Variants in SLC22A24 observed in about 807,000 individuals in gnomAD.
SLC22A24 encodes the protein steroid transmembrane transporter SLC22A24.
In SLC22A24, 53 loss-of-function variants were observed where a neutral mutation model predicts 49.8. The observed-to-expected ratio is 1.06, with a 90% CI of 0.85 to 1.34. The LOEUF (loss-of-function observed/expected upper bound fraction) is 1.34. Ranked by LOEUF, SLC22A24 falls within the 40% of genes most tolerant of loss-of-function variation. SLC22A24 has a pLI of 0.00. For missense variants in SLC22A24, 786 were observed against 675.9 expected (o/e 1.16, Z -1.81); for synonymous variants, 302 against 256.4 (o/e 1.18, Z -1.70).
At chr11:63,083,715 C>T (rs1490879846) in intron 6 of SLC22A24, among the ~76,000 whole-genome samples, 2 of 151,992 alleles carry the variant, frequency 1.3e-5, no homozygotes, top group Admixed American at 1.3e-4. Context: ...TTACTGGGTC[C>T]TGAAGAAAAG....
chr11:63,140,155 C>T (rs2087405698), intron 1 of SLC22A24, among the ~76,000 whole-genome samples: 1 of 144,384 alleles, frequency 6.9e-6, no homozygotes, highest in African/African-American at 2.6e-5. Context: ...AATCTCAGCT[C>T]ATTGCAACTG....
intron 4 of SLC22A24, among the ~76,000 whole-genome samples, chr11:63,114,570 G>A (rs901825698): frequency 1.3e-5 from 2 of 152,146 alleles, no homozygotes; most frequent in Non-Finnish European, 2.9e-5. Context: ...ACTCATCAAA[G>A]TAGCTCTCCA....
At chr11:63,120,876 A>G (rs1165780507) in intron 2 of SLC22A24, among the ~76,000 whole-genome samples, 1 of 152,176 alleles carries the variant, frequency 6.6e-6, no homozygotes, top group African/African-American at 2.4e-5. Flanking sequence ...TTAAAAAAAG[A>G]TCTATGATAC....
At chr11:63,095,490 G>T (rs1295955236) in intron 6 of SLC22A24, among the ~76,000 whole-genome samples, 2 of 152,102 alleles carry the variant, frequency 1.3e-5, no homozygotes, top group African/African-American at 2.4e-5. Flanking sequence ...TTAAATTCAA[G>T]AACCAGCAAA....
chr11:63,091,634 TA>T (rs2087020962), intron 6 of SLC22A24, among the ~76,000 whole-genome samples: 1 of 152,102 alleles, frequency 6.6e-6, no homozygotes, highest in East Asian at 1.9e-4. Context: ...ATCCATCACA[TA>T]AACAGAACCA....
chr11:63,110,201 A>T lies in SLC22A24; in HGVS notation c.831-5903T>A, dbSNP rs1349196988. Among the ~76,000 whole-genome samples, 4 of 151,082 alleles carry T rather than the reference A, an allele frequency of 2.6e-5. No homozygotes were observed. The South Asian group carries it at 6.3e-4, about 24-fold the overall frequency. On this transcript the variant is annotated intron_variant, in intron 4 of 9. Transcript: ENST00000612278. The stretch of plus-strand genomic sequence containing the variant: ...CTGAGGGCTCTGTTCTGTTCCATTG[A>T]TCTATATCTCTGTTTTGGTACCAGT...
chr11:63,118,196 C>T (rs2087225190), intron 4 of SLC22A24, among the ~76,000 whole-genome samples: 1 of 143,954 alleles, frequency 6.9e-6, no homozygotes, highest in African/African-American at 2.5e-5. Context: ...TGTCCTCCTC[C>T]CTCTAGTACC....
intron 6 of SLC22A24, among the ~76,000 whole-genome samples, chr11:63,092,368 T>TGG: frequency 7.5e-6 from 1 of 134,138 alleles, no homozygotes; most frequent in African/African-American, 2.7e-5. Flanking sequence ...ATGAAGCTAC[T>TGG]AGTGACTTTC....
intron 5 of SLC22A24, among the ~76,000 whole-genome samples, chr11:63,101,572 C>T (rs7130455): frequency 0.76 from 115,544 of 151,882 alleles, 44,716 homozygotes; most frequent in East Asian, 0.9. Flanking sequence ...CCATATGATC[C>T]AGCAATGTTA....
At chr11:63,107,105 G>C (rs150863618) in intron 4 of SLC22A24, among the ~76,000 whole-genome samples, 18,060 of 152,142 alleles carry the variant, frequency 0.12, 1,204 homozygotes, top group Middle Eastern at 0.16. Flanking sequence ...AGTAATTTTT[G>C]TATAAGGTGT....
intron 6 of SLC22A24, among the ~76,000 whole-genome samples, chr11:63,087,390 G>A (rs1003279252): frequency 5.9e-5 from 9 of 152,150 alleles, no homozygotes; most frequent in African/African-American, 9.7e-5. Flanking sequence ...CTACATGGCC[G>A]GGTTACTACA....
chr11:63,087,140 G>A (rs544397186), intron 6 of SLC22A24, among the ~76,000 whole-genome samples: 1 of 151,698 alleles, frequency 6.6e-6, no homozygotes, highest in Admixed American at 6.6e-5. Flanking sequence ...AATCAGGGAG[G>A]GGCCAAGATG....
At chr11:63,106,790 T>C (rs1477968712) in intron 4 of SLC22A24, among the ~76,000 whole-genome samples, 1 of 152,198 alleles carries the variant, frequency 6.6e-6, no homozygotes, top group East Asian at 1.9e-4. Context: ...GCTTTTTTCT[T>C]GTAAATTTGT....
chr11:63,080,354 G>C (rs2086952063), intron 9 of SLC22A24, among the ~76,000 whole-genome samples: 1 of 152,024 alleles, frequency 6.6e-6, no homozygotes, highest in Admixed American at 6.6e-5. Flanking sequence ...CAAAATTTCT[G>C]TTGCCCATGG....
intron 5 of SLC22A24, among the ~76,000 whole-genome samples, chr11:63,097,557 A>G (rs1450030987): frequency 1.3e-5 from 2 of 152,168 alleles, no homozygotes; most frequent in Non-Finnish European, 1.5e-5. Context: ...TTGACCCTGC[A>G]ATCCCATTAC....
intron 4 of SLC22A24, among the ~76,000 whole-genome samples, chr11:63,112,313 A>G (rs1358823101): frequency 6.6e-6 from 1 of 152,148 alleles, no homozygotes. Context: ...GTGCTGAAGA[A>G]AATGTATATC....
intron 1 of SLC22A24, among the ~76,000 whole-genome samples, chr11:63,140,006 CTT>C (rs1370182910): frequency 6.7e-6 from 1 of 150,228 alleles, no homozygotes; most frequent in Non-Finnish European, 1.5e-5. Context: ...AAAATAGAAA[CTT>C]TAATGACTTT....
In SLC22A24 at chr11:63,133,889, C is replaced by A. The variant is rs117553016; in HGVS notation, c.506+776G>T. The stretch of plus-strand genomic sequence containing the variant: ...CAAACTCCTTACCCCAAGTGATTCA[C>A]CCACCTTGGCCTCCCAAAGTGTTGG... On this transcript the variant is annotated intron_variant, in intron 2 of 9. Coordinates refer to ENST00000612278, the MANE Select transcript of SLC22A24 (RefSeq NM_001136506.2). Among the ~76,000 whole-genome samples, 1,346 of 152,314 alleles carry A rather than the reference C, an allele frequency of 8.8e-3. 6 individuals are homozygous for A. The highest frequency in any genetic ancestry group is 0.015 in the Non-Finnish European group (1,024 of 68,036).
At chr11:63,111,559 C>T (rs960689227) in intron 4 of SLC22A24, among the ~76,000 whole-genome samples, 1 of 152,078 alleles carries the variant, frequency 6.6e-6, no homozygotes, top group Non-Finnish European at 1.5e-5. Flanking sequence ...GATTCAACTT[C>T]TTCCTGGTTT....
Sources: gnomAD v4.1 joint callset for allele counts (sites outside exome capture counted in the v4.1 genomes callset) on GRCh38, gnomAD v4.1.1 for gene constraint, MANE v1.5 for transcripts, NCBI Gene and HGNC (gene_info 2026-07-23, HGNC 2026-07-21) for gene names.